COP1: variants seen among roughly 807,000 people sequenced by gnomAD.
The protein encoded by COP1 is E3 ubiquitin-protein ligase COP1.
COP1 carries 24 observed loss-of-function variants against 101.3 expected under a neutral mutation model. The observed-to-expected ratio is 0.24, with a 90% CI of 0.17 to 0.33. COP1 has a LOEUF of 0.33. Among genes scored for constraint, COP1 ranks in the 10% least tolerant of loss-of-function variants. The pLI, the probability that COP1 is intolerant of heterozygous loss-of-function variation, is 1.00. For missense variants in COP1, 663 were observed against 906.2 expected, an observed-to-expected ratio of 0.73 and a Z score of 3.45; for synonymous variants, 347 against 341.9, an observed-to-expected ratio of 1.01 and a Z score of -0.17.
rs375077477 is a variant in COP1 at position 176,163,806 on chromosome 1, G to T, written c.642+9C>A. 3.0e-5 allele frequency: 46 copies of T among 1,516,890 alleles called. No individual in the cohort carries two copies. Among genetic ancestry groups the T allele is most frequent in the Non-Finnish European group, 4.0e-5 (45 of 1,113,046 alleles). The allele number at this position is 1,516,890 out of a possible 1,614,324, so 94.0% of individuals were successfully genotyped here. On this transcript the variant is annotated intron_variant, in intron 4 of 19. Coordinates refer to ENST00000367669, the MANE Select transcript of COP1 (RefSeq NM_022457.7). ...TTTATTAAAAATAGTAATAAGAGTT[G>T]AAACATACGGTGCTACTCACTGAGT...
chr1:176,113,440 T>A (rs1406653485), intron 9 of COP1, among the ~76,000 whole-genome samples: 1 of 152,208 alleles, frequency 6.6e-6, no homozygotes, highest in Non-Finnish European at 1.5e-5. Flanking sequence ...TTCTGGTTAT[T>A]AATCCCTTGT....
chr1:175,952,795 T>C (rs1416961041), intron 18 of COP1, among the ~76,000 whole-genome samples: 5 of 150,696 alleles, frequency 3.3e-5, no homozygotes, highest in Non-Finnish European at 5.9e-5. Flanking sequence ...TGCATGCCTC[T>C]AGTCCCAGCT....
At chr1:176,155,318 C>T (rs1262447941) in intron 5 of COP1, among the ~76,000 whole-genome samples, 1 of 151,626 alleles carries the variant, frequency 6.6e-6, no homozygotes, top group African/African-American at 2.4e-5. Flanking sequence ...CTCCTAAAAA[C>T]TAAAATAAAT....
chr1:175,978,528 C>A (rs1655083798), intron 18 of COP1, among the ~76,000 whole-genome samples: 1 of 152,110 alleles, frequency 6.6e-6, no homozygotes, highest in African/African-American at 2.4e-5. Flanking sequence ...CTTCTTATTT[C>A]CTTCCTTTTC....
chr1:176,163,148 C>A (rs1435359722), intron 4 of COP1, among the ~76,000 whole-genome samples, 160 bp from the exon 5 acceptor site: 2 of 152,148 alleles, frequency 1.3e-5, no homozygotes, highest in African/African-American at 4.8e-5. Context: ...TGGCTCCCTA[C>A]TGTCTTACAG....
At chr1:176,026,327 T>C (rs1369461392) in intron 15 of COP1, among the ~76,000 whole-genome samples, 5 of 151,320 alleles carry the variant, frequency 3.3e-5, no homozygotes, top group Non-Finnish European at 7.4e-5. Context: ...TATATTTTAA[T>C]TGAATACATA....
chr1:176,008,537 T>A (rs1490790011), intron 15 of COP1, among the ~76,000 whole-genome samples: 1 of 152,246 alleles, frequency 6.6e-6, no homozygotes, highest in Non-Finnish European at 1.5e-5. Context: ...CTTTGTGGTT[T>A]AATTACCTTT....
At chr1:175,961,364 A>G (rs527660767) in intron 18 of COP1, among the ~76,000 whole-genome samples, 1 of 152,220 alleles carries the variant, frequency 6.6e-6, no homozygotes, top group Admixed American at 6.5e-5. Context: ...TACAGTAGTG[A>G]CTTTGGCATG....
intron 18 of COP1, among the ~76,000 whole-genome samples, chr1:175,949,073 G>T (rs2148481664): frequency 6.9e-6 from 1 of 145,318 alleles, no homozygotes; most frequent in South Asian, 2.3e-4. Flanking sequence ...TGAGGCAGGG[G>T]AAGTGCTTGA....
At chr1:176,179,689 T>G (rs1459410483) in intron 2 of COP1, among the ~76,000 whole-genome samples, 1 of 151,226 alleles carries the variant, frequency 6.6e-6, no homozygotes, top group Non-Finnish European at 1.5e-5. Context: ...GTGAGCCATG[T>G]TTGCACCACT....
chr1:176,204,841 T>C lies in COP1; in HGVS notation c.407+1731A>G, dbSNP rs374099230. 2.7e-3 allele frequency among the ~76,000 whole-genome samples: 404 copies of C among 152,248 alleles called. 3 individuals are homozygous for C. Among genetic ancestry groups the C allele is most frequent in the African/African-American group, 9.2e-3 (383 of 41,536 alleles). ...TACTCGGGAGGCTGAGGCTGGAGAATTGCTTGAACCCGGGAGGCGGGGGTG... is the reference window on the plus strand; with the variant it reads ...TACTCGGGAGGCTGAGGCTGGAGAACTGCTTGAACCCGGGAGGCGGGGGTG... On this transcript the variant is annotated intron_variant, in intron 1 of 19. Transcript: ENST00000367669.
chr1:176,135,863 G>A (rs959949991), intron 7 of COP1, among the ~76,000 whole-genome samples: 1 of 151,998 alleles, frequency 6.6e-6, no homozygotes. Context: ...GAATGCTACA[G>A]AGGATACTGA....
chr1:175,961,345 G>A (rs545094840), intron 18 of COP1, among the ~76,000 whole-genome samples: 7 of 152,192 alleles, frequency 4.6e-5, no homozygotes, highest in African/African-American at 1.4e-4. Context: ...CATCACAGTC[G>A]TTTCATTATA....
At chr1:176,145,917 G>A (rs747675959) in intron 6 of COP1, among the ~76,000 whole-genome samples, 5 of 152,136 alleles carry the variant, frequency 3.3e-5, no homozygotes, top group Non-Finnish European at 4.4e-5. Context: ...TGCTTCAGCC[G>A]TTCTAGCAGT....
Position 176,192,104 on chromosome 1 carries a change from A to G in COP1, c.408-7412T>C, listed in dbSNP as rs542981237. The stretch of plus-strand genomic sequence containing the variant: ...GCAAGTGAACCAATTTCTGGTATCC[A>G]TAACAGAAAAGCAAGATTGAATCAG... On this transcript the variant is annotated intron_variant, in intron 1 of 19. Transcript: ENST00000367669. Among the ~76,000 whole-genome samples, 348 of 152,316 alleles carry G rather than the reference A, an allele frequency of 2.3e-3. 1 individual carries two copies. The highest frequency in any genetic ancestry group is 7.6e-3 in the African/African-American group (318 of 41,584).
chr1:176,090,062 C>T (rs376698076), intron 9 of COP1, among the ~76,000 whole-genome samples: 91 of 152,286 alleles, frequency 6.0e-4, no homozygotes, highest in African/African-American at 2.1e-3. Context: ...TACATAAAAA[C>T]TTTGTTCTTC....
At chr1:176,011,978 ATTATT>A (rs571648516) in intron 15 of COP1, among the ~76,000 whole-genome samples, 14 of 152,278 alleles carry the variant, frequency 9.2e-5, no homozygotes, top group African/African-American at 3.4e-4. Flanking sequence ...CTTTTTAATC[ATTATT>A]TTAGAGTGTA....
At chr1:176,044,071 A>G (rs1400780852) in intron 12 of COP1, among the ~76,000 whole-genome samples, 1 of 152,202 alleles carries the variant, frequency 6.6e-6, no homozygotes, top group Non-Finnish European at 1.5e-5. Flanking sequence ...ATGTGAGCCT[A>G]GAGCTATCAC....
At chr1:176,031,823 A>C (rs979968912) in intron 14 of COP1, among the ~76,000 whole-genome samples, 2 of 152,224 alleles carry the variant, frequency 1.3e-5, no homozygotes, top group African/African-American at 4.8e-5. Flanking sequence ...TGAATCTTAA[A>C]AAATCCAACT....
Sources: allele counts gnomAD v4.1 joint callset (sites outside exome capture counted in the v4.1 genomes callset), GRCh38; gene constraint gnomAD v4.1.1; transcripts MANE v1.5; gene names NCBI Gene and HGNC (gene_info 2026-07-23, HGNC 2026-07-21).